Variants in CDC42EP4 observed in about 807,000 individuals in gnomAD.
The protein encoded by CDC42EP4 is CDC42 effector protein 4.
Under a neutral mutation model 5.6 loss-of-function variants are expected in CDC42EP4, and 6 were observed. That is an observed-to-expected ratio of 1.07 (90% CI 0.59 to 2.12). CDC42EP4 has a LOEUF of 2.12. Among genes scored for constraint, CDC42EP4 ranks in the 30% most tolerant of loss-of-function variants. The pLI, the probability that CDC42EP4 is intolerant of heterozygous loss-of-function variation, is 0.00. For missense variants in CDC42EP4, 490 were observed against 508.6 expected (o/e 0.96, Z 0.35); for synonymous variants, 230 against 224.2 (o/e 1.03, Z -0.23).
intron 1 of CDC42EP4, among the ~76,000 whole-genome samples, chr17:73,296,229 C>CAA (rs10562107): frequency 0.026 from 3,543 of 138,478 alleles, 67 homozygotes; most frequent in South Asian, 0.046. Flanking sequence ...ACTAAAAATA[C>CAA]AAAAAAAAAA....
chr17:73,308,703 C>T (rs2062257127), intron 1 of CDC42EP4, among the ~76,000 whole-genome samples: 1 of 152,066 alleles, frequency 6.6e-6, no homozygotes, highest in Non-Finnish European at 1.5e-5. Flanking sequence ...CCACTGCCAA[C>T]CCAAGGCCCT....
chr17:73,305,797 G>A (rs575070133), intron 1 of CDC42EP4, among the ~76,000 whole-genome samples: 1 of 152,320 alleles, frequency 6.6e-6, no homozygotes, highest in African/African-American at 2.4e-5. Context: ...ACTTCATAGA[G>A]AACAGCCACC....
At chr17:73,305,485 T>G (rs148747819) in intron 1 of CDC42EP4, among the ~76,000 whole-genome samples, 184 of 149,306 alleles carry the variant, frequency 1.2e-3, no homozygotes, top group African/African-American at 4.3e-3. Context: ...GAACTGGGAA[T>G]TTCATGGCCA....
At chr17:73,290,762 C>A (rs1174910833) in intron 1 of CDC42EP4, among the ~76,000 whole-genome samples, 9 of 152,192 alleles carry the variant, frequency 5.9e-5, no homozygotes, top group Admixed American at 5.2e-4. Context: ...CACGAGCCCC[C>A]AGAGCTGCGT....
chr17:73,286,125 C>T lies in CDC42EP4; in HGVS notation c.376G>A (p.Glu126Lys). The T allele has an allele frequency of 6.2e-7, 1 of 1,614,050 alleles. No homozygotes were observed. Among genetic ancestry groups the T allele is most frequent in the Non-Finnish European group, 8.5e-7 (1 of 1,180,030 alleles). The change falls in exon 2 of 2, where the codon GAG becomes AAG. Residue 126 changes from glutamate to lysine, a missense_variant. By Grantham distance (56) the Glu-to-Lys change is moderately conservative. Coordinates refer to ENST00000335793, the MANE Select transcript of CDC42EP4 (RefSeq NM_012121.5). The surrounding 1 kb of genome is among the most constrained non-coding windows in gnomAD (Gnocchi z 7.7). ...TTACTGGTGCCCTTCTCCGCGGCCT[C>T]CTTCTCATTGAGCTGGGGCAGGGAC... is the stretch of plus-strand genomic sequence containing the variant. Reference protein sequence around the residue: ...AMSLPQLNEKEAAEKGTSKLP... With the variant: ...AMSLPQLNEKKAAEKGTSKLP...
chr17:73,285,543 C>A lies in CDC42EP4; in HGVS notation c.958G>T (p.Glu320Ter). The change falls in exon 2 of 2, where the codon GAG (glutamate) becomes TAG (stop). Residue 320 changes from glutamate to a stop codon, truncating the protein, a stop_gained. Coordinates refer to ENST00000335793, the MANE Select transcript of CDC42EP4 (RefSeq NM_012121.5). LOFTEE classifies it high-confidence loss of function. The surrounding 1 kb of genome is among the most constrained non-coding windows in gnomAD (Gnocchi z 6.8). Reference protein sequence around the residue: ...LSSCTSGILEERSPAFRGPDR... With the variant: ...LSSCTSGILE ...GGCCCCCGGAAGGCAGGGCTGCGCT[C>A]CTCCAGGATGCCTGAGGTGCAGCTG... 1 of 1,612,070 alleles carries A rather than the reference C, an allele frequency of 6.2e-7. No homozygotes were observed. The highest frequency in any genetic ancestry group is 8.5e-7 in the Non-Finnish European group (1 of 1,179,574).
At chr17:73,297,418 G>A (rs1599436099) in intron 1 of CDC42EP4, among the ~76,000 whole-genome samples, 1 of 152,124 alleles carries the variant, frequency 6.6e-6, no homozygotes, top group East Asian at 1.9e-4. Context: ...AGGTTGCAGT[G>A]AGCTGAGATC....
chr17:73,295,842 T>C (rs1054509406), intron 1 of CDC42EP4, among the ~76,000 whole-genome samples: 2 of 148,376 alleles, frequency 1.3e-5, no homozygotes, highest in Non-Finnish European at 3.0e-5. Context: ...GAGGCAGAGG[T>C]TGCAGCACAC....
intron 1 of CDC42EP4, among the ~76,000 whole-genome samples, chr17:73,292,038 C>A (rs2062163956): frequency 6.6e-6 from 1 of 152,248 alleles, no homozygotes; most frequent in African/African-American, 2.4e-5. Flanking sequence ...ACACTTCTCA[C>A]TCCAAGTGAC....
intron 1 of CDC42EP4, among the ~76,000 whole-genome samples, chr17:73,306,329 C>T: frequency 8.0e-6 from 1 of 124,522 alleles, no homozygotes; most frequent in Admixed American, 8.2e-5. Flanking sequence ...GACCCTGTCT[C>T]TAAAAAAAAA....
At chr17:73,288,992 C>T (rs1418128826) in intron 1 of CDC42EP4, among the ~76,000 whole-genome samples, 1 of 152,208 alleles carries the variant, frequency 6.6e-6, no homozygotes, top group Non-Finnish European at 1.5e-5. Flanking sequence ...TCTCTCCTCC[C>T]TACCCTTAGG....
chr17:73,286,468 C>T lies in CDC42EP4; in HGVS notation c.33G>A (p.Ser11=), dbSNP rs376758429. MPILKQLVSS[S]VHSKRRSRAD... is the part of the protein sequence containing the mutation. Reference sequence around the variant, plus strand: ...CTCGGGAACGGCGCTTGGAGTGCACCGAGCTGGACACCAGTTGCTTGAGGA... The same window carrying T: ...CTCGGGAACGGCGCTTGGAGTGCACTGAGCTGGACACCAGTTGCTTGAGGA... The change falls in exon 2 of 2, where the codon TCG becomes TCA. Residue 11 remains serine (S), a synonymous_variant. Transcript: ENST00000335793. The surrounding 1 kb of genome is among the most constrained non-coding windows in gnomAD (Gnocchi z 7.7). 88 of 1,602,388 alleles carry T rather than the reference C, an allele frequency of 5.5e-5. No homozygotes were observed. The highest frequency in any genetic ancestry group is 1.1e-4 in the East Asian group (5 of 44,638).
intron 1 of CDC42EP4, chr17:73,307,142 T>G (rs1480959523): frequency 7.2e-5 from 11 of 152,150 alleles, no homozygotes. Context: ...GGTGGGGAAC[T>G]GTAAGCCTTC....
intron 1 of CDC42EP4, among the ~76,000 whole-genome samples, chr17:73,302,439 G>A (rs891308377): frequency 6.6e-6 from 1 of 152,072 alleles, no homozygotes; most frequent in Admixed American, 6.6e-5. Flanking sequence ...AGGCTACTGA[G>A]TACTTAACAT....
intron 1 of CDC42EP4, among the ~76,000 whole-genome samples, chr17:73,304,655 T>TGGGGGGGG (rs371870281): frequency 9.1e-5 from 2 of 21,902 alleles, no homozygotes; most frequent in African/African-American, 3.5e-4. Context: ...AACATCGGGG[T>TGGGGGGGG]GGGGGGGGCG....
At chr17:73,299,029 C>T (rs2062203168) in intron 1 of CDC42EP4, among the ~76,000 whole-genome samples, 1 of 151,668 alleles carries the variant, frequency 6.6e-6, no homozygotes, top group South Asian at 2.1e-4. Flanking sequence ...TATCATGGCT[C>T]ACTGCAGCCT....
Position 73,286,312 on chromosome 17 carries a change from C to T in CDC42EP4, c.189G>A (p.Glu63=). ...AAGAAGAGGGCTGTTCGTCCAAGGA[C>T]TCGCCGTCGGGCTCGCCAGCCTTGC... The part of the protein sequence containing the change: ...LNSKAGEPDG[E]SLDEQPSSSS... The change falls in exon 2 of 2, where the codon GAG becomes GAA. Residue 63 remains glutamate, a synonymous_variant. Coordinates refer to ENST00000335793, the MANE Select transcript of CDC42EP4 (RefSeq NM_012121.5). This position sits in a 1 kb window ranked among gnomAD's most constrained non-coding sequence, Gnocchi z 7.7. 1 of 1,614,244 alleles carries T rather than the reference C, an allele frequency of 6.2e-7. No homozygotes were observed. The highest frequency in any genetic ancestry group is 2.2e-5 in the East Asian group (1 of 44,882).
chr17:73,303,662 CAAAA>C (rs542149787), intron 1 of CDC42EP4, among the ~76,000 whole-genome samples: 3 of 83,912 alleles, frequency 3.6e-5, no homozygotes, highest in African/African-American at 4.3e-5. Flanking sequence ...ACTCTGTCTC[CAAAA>C]AAAAAAAAAA....
Position 73,286,167 on chromosome 17 carries a change from ACAGGGCCGAGTCCCG to A in CDC42EP4, c.319_333del (p.Arg107_Leu111del). The A allele has an allele frequency of 6.2e-7, 1 of 1,614,086 alleles. No homozygotes were observed. Among genetic ancestry groups the A allele is most frequent in the Admixed American group, 1.7e-5 (1 of 60,026 alleles). ...GGCAGGGACATGGCATTCTTGACAA[ACAGGGCCGAGTCCCG>A]CAGGGAGCCCAGCATGTCACGCTGC... On this transcript the variant is annotated inframe_deletion, in exon 2 of 2. Transcript: ENST00000335793. The surrounding 1 kb of genome is among the most constrained non-coding windows in gnomAD (Gnocchi z 7.7).
Sources: allele counts gnomAD v4.1 joint callset (sites outside exome capture counted in the v4.1 genomes callset), GRCh38; gene constraint gnomAD v4.1.1; non-coding constraint Gnocchi (gnomAD v3.1); transcripts MANE v1.5; gene names NCBI Gene and HGNC (gene_info 2026-07-23, HGNC 2026-07-21).